Variants in FBXL17 observed in about 807,000 individuals in gnomAD.
FBXL17 encodes the protein F-box and leucine rich repeat protein 17.
A neutral mutation model predicts 66.2 loss-of-function variants in FBXL17; 22 were observed. That is an observed-to-expected ratio of 0.33 (90% confidence interval 0.24 to 0.47). FBXL17 has a LOEUF of 0.47. FBXL17 is among the 20% of genes least tolerant of loss of function. The pLI is 1.00. For missense variants in FBXL17, 878 were observed against 948.2 expected (o/e 0.93, Z 0.97); for synonymous variants, 474 against 400.5 (o/e 1.18, Z -2.19).
At chr5:108,337,927 T>C (rs189748865) in intron 4 of FBXL17, among the ~76,000 whole-genome samples, 1 of 152,134 alleles carries the variant, frequency 6.6e-6, no homozygotes, top group East Asian at 1.9e-4. Context: ...CTTTTTTCCA[T>C]TAAATTCTTC....
chr5:108,264,116 G>T (rs565874556), intron 4 of FBXL17, among the ~76,000 whole-genome samples: 5 of 151,518 alleles, frequency 3.3e-5, no homozygotes, highest in Admixed American at 2.6e-4. Context: ...TCAGGAAGCT[G>T]GGGGAGGAGA....
intron 6 of FBXL17, among the ~76,000 whole-genome samples, chr5:108,152,316 T>C (rs963934639): frequency 1.3e-5 from 2 of 152,226 alleles, no homozygotes. Flanking sequence ...AGAATGGTCA[T>C]TTCTACTTAA....
intron 5 of FBXL17, among the ~76,000 whole-genome samples, chr5:108,218,049 A>C (rs1580635253): frequency 3.2e-5 from 4 of 126,574 alleles, no homozygotes; most frequent in African/African-American, 3.1e-5. Flanking sequence ...ACAGAGTCTC[A>C]CTCTGTCGCC....
At chr5:108,273,461 GA>G (rs1239781499) in intron 4 of FBXL17, among the ~76,000 whole-genome samples, 5 of 151,480 alleles carry the variant, frequency 3.3e-5, no homozygotes, top group African/African-American at 1.2e-4. Context: ...AACAAATGCA[GA>G]AAAAAAATGC....
chr5:108,023,919 T>G (rs997002807), intron 6 of FBXL17, among the ~76,000 whole-genome samples: 3 of 152,202 alleles, frequency 2.0e-5, no homozygotes, highest in Admixed American at 6.5e-5. Context: ...ACATTTAAAA[T>G]GTTTACTTCT....
intron 4 of FBXL17, among the ~76,000 whole-genome samples, chr5:108,318,609 T>C (rs1759479406): frequency 6.6e-6 from 1 of 151,890 alleles, no homozygotes; most frequent in Non-Finnish European, 1.5e-5. Flanking sequence ...TTCTCTCTCA[T>C]CAAAACTGTA....
In FBXL17 at chr5:108,381,627, C is replaced by T. The variant is rs757816266; in HGVS notation, c.65G>A (p.Ser22Asn). ...GAGAGGGCGCCGGCGGCGGCACCAA[C>T]TGCAACAGCGAGGCCTCTTCTGGCT... ...RPSQKRPRCC[S>N]WCRRRRPLLR... The change falls in exon 1 of 9, where the codon AGT (serine) becomes AAT (asparagine). Residue 22 changes from serine to asparagine, a missense_variant. This residue lies in a region of FBXL17 where 605 missense variants were observed against 509.5 expected (regional missense o/e 1.19). Coordinates refer to ENST00000542267, the MANE Select transcript of FBXL17 (RefSeq NM_001163315.3). 13 of 1,494,934 alleles carry T rather than the reference C, an allele frequency of 8.7e-6. No individual in the cohort carries two copies. The highest frequency in any genetic ancestry group is 2.9e-5 in the African/African-American group (2 of 68,742). 92.6% of individuals were successfully genotyped at this position (1,494,934 alleles called of 1,614,324 possible).
chr5:108,004,813 T>A (rs1308100823), intron 7 of FBXL17, among the ~76,000 whole-genome samples: 1 of 152,162 alleles, frequency 6.6e-6, no homozygotes, highest in Non-Finnish European at 1.5e-5. Context: ...ATCAAACTAG[T>A]GGGAAATACT....
At chr5:108,375,179 C>A (rs896236146) in intron 1 of FBXL17, among the ~76,000 whole-genome samples, 59 of 152,202 alleles carry the variant, frequency 3.9e-4, no homozygotes, top group African/African-American at 5.8e-4. Context: ...CATAGCAAGA[C>A]CCTGTCTCTA....
chr5:108,014,443 T>G (rs555626392), intron 7 of FBXL17, among the ~76,000 whole-genome samples: 221 of 152,236 alleles, frequency 1.5e-3, no homozygotes, highest in Non-Finnish European at 2.6e-3. Flanking sequence ...CGACTAAATG[T>G]GAAGCTAGAG....
rs1748086122 is a variant in FBXL17, at chr5:107,860,274, G to C, written c.*1446C>G. On this transcript the variant is annotated 3_prime_UTR_variant, in exon 9 of 9. Transcript: ENST00000542267. ...TATATCTGTTAAAGACCAAATAACA[G>C]TTATATTCACTCAGGGAAAAATAAA... 1 of 152,578 alleles carries C rather than the reference G, an allele frequency of 6.6e-6. No individual in the cohort carries two copies. Among genetic ancestry groups the C allele is most frequent in the Non-Finnish European group, 1.5e-5 (1 of 67,994 alleles). 9.5% of individuals were successfully genotyped at this position (152,578 alleles called of 1,614,324 possible).
Position 108,018,864 on chromosome 5 carries a change from A to G in FBXL17, c.1822+2061T>C, listed in dbSNP as rs796598416. ...TTTACAAAATGACTGGTTGGGCCCC[A>G]TTTCATAGAAATTCTAATTTGACTA... On this transcript the variant is annotated intron_variant, in intron 7 of 8. Transcript: ENST00000542267. Among the ~76,000 whole-genome samples, 16 of 152,260 alleles carry G rather than the reference A, an allele frequency of 1.1e-4. 1 individual carries two copies. The highest frequency in any genetic ancestry group is 3.8e-4 in the African/African-American group (16 of 41,572).
In FBXL17 at chr5:108,381,601, G is replaced by A. The variant is rs1561572034; in HGVS notation, c.91C>T (p.Leu31Phe). ...GCTGGGGTCCGGCGGGGCAGCCTGA[G>A]GAGAGGGCGCCGGCGGCGGCACCAA... Reference protein sequence around the residue: ...CSWCRRRRPLLRLPRRTPAKV... With the variant: ...CSWCRRRRPLFRLPRRTPAKV... Residue 31 changes from leucine to phenylalanine, a missense_variant, in exon 1 of 9, where the codon CTC becomes TTC. Coordinates refer to ENST00000542267, the MANE Select transcript of FBXL17 (RefSeq NM_001163315.3). The A allele has an allele frequency of 3.4e-6, 5 of 1,479,746 alleles. No individual in the cohort carries two copies. Among genetic ancestry groups the A allele is most frequent in the Non-Finnish European group, 4.5e-6 (5 of 1,120,594 alleles). The allele number at this position is 1,479,746 out of a possible 1,614,324, so 91.7% of individuals were successfully genotyped here.
At chr5:108,371,407 C>G (rs6881879) in intron 1 of FBXL17, among the ~76,000 whole-genome samples, 38,306 of 152,164 alleles carry the variant, frequency 0.25, 5,187 homozygotes, top group Middle Eastern at 0.33. Flanking sequence ...AGCCAGATAA[C>G]CAAATAAAGT....
chr5:107,986,210 A>G, intron 7 of FBXL17, among the ~76,000 whole-genome samples: 1 of 152,030 alleles, frequency 6.6e-6, no homozygotes, highest in East Asian at 1.9e-4. Flanking sequence ...TAAACTTTTT[A>G]TACTGATAAA....
At chr5:108,018,344 A>AG (rs1004219568) in intron 7 of FBXL17, among the ~76,000 whole-genome samples, 39 of 152,292 alleles carry the variant, frequency 2.6e-4, no homozygotes, top group African/African-American at 9.1e-4. Context: ...ATAATAGGGT[A>AG]GGGGGGACAC....
intron 6 of FBXL17, among the ~76,000 whole-genome samples, chr5:108,095,241 C>G (rs1158225936): frequency 6.8e-6 from 1 of 147,416 alleles, no homozygotes. Context: ...TAAATACCAT[C>G]AAATGGTTAA....
intron 7 of FBXL17, among the ~76,000 whole-genome samples, chr5:107,896,764 T>A (rs1400762720): frequency 6.6e-6 from 1 of 152,122 alleles, no homozygotes; most frequent in African/African-American, 2.4e-5. Flanking sequence ...CATACCAGAA[T>A]AAATGAATCC....
intron 6 of FBXL17, among the ~76,000 whole-genome samples, chr5:108,062,121 G>C (rs1747947243): frequency 6.6e-6 from 1 of 151,990 alleles, no homozygotes; most frequent in Non-Finnish European, 1.5e-5. Context: ...TTTACAAAAG[G>C]AACATCAGTT....
Sources: gnomAD v4.1 joint callset for allele counts (sites outside exome capture counted in the v4.1 genomes callset) on GRCh38, gnomAD v4.1.1 for gene constraint, gnomAD v4.1.1 regional missense constraint, MANE v1.5 for transcripts, NCBI Gene and HGNC (gene_info 2026-07-23, HGNC 2026-07-21) for gene names.